DCAF5: variants seen among roughly 807,000 people sequenced by gnomAD.
DCAF5 encodes DDB1- and CUL4-associated factor 5.
DCAF5 carries 9 observed loss-of-function variants against 80.7 expected under a neutral mutation model. The ratio of observed to expected loss-of-function variants is 0.11; its 90% CI spans 0.07 to 0.19. DCAF5 has a LOEUF of 0.19. DCAF5 is among the 10% of genes least tolerant of loss of function. DCAF5 has a pLI of 1.00. For synonymous variants in DCAF5, 433 were observed against 461.9 expected (o/e 0.94, Z 0.80); for missense variants, 842 against 1,205.7 (o/e 0.70, Z 4.47).
chr14:69,116,958 C>T (rs1278197529), intron 4 of DCAF5, among the ~76,000 whole-genome samples: 2 of 152,130 alleles, frequency 1.3e-5, no homozygotes, highest in Admixed American at 6.5e-5. Context: ...AAAATTAAGA[C>T]GTGGTGAAAC....
At chr14:69,056,823 C>T (rs961539123) in intron 8 of DCAF5, among the ~76,000 whole-genome samples, 1 of 151,916 alleles carries the variant, frequency 6.6e-6, no homozygotes, top group East Asian at 1.9e-4. Flanking sequence ...CTGCAGAGGA[C>T]CCCCCATTTC....
In DCAF5 at chr14:69,051,626, G is replaced by T. The variant is rs767266756; in HGVS notation, c.*2231C>A. 13 of 152,164 alleles carry T rather than the reference G, an allele frequency of 8.5e-5. No homozygotes were observed. The highest frequency in any genetic ancestry group is 1.6e-4 in the Non-Finnish European group (11 of 68,034). The allele number at this position is 152,164 out of a possible 1,614,324, so 9.4% of individuals were successfully genotyped here. On this transcript the variant is annotated 3_prime_UTR_variant, in exon 9 of 9. Transcript: ENST00000341516. ...TTTTGAGTACCCAAATGAGATTAAG[G>T]CTTTTAACATGAAAAGACCAAGTTC...
chr14:69,107,968 T>C (rs2040222790), intron 5 of DCAF5, among the ~76,000 whole-genome samples: 2 of 152,156 alleles, frequency 1.3e-5, no homozygotes, highest in Non-Finnish European at 1.5e-5. Flanking sequence ...CAAGTAATAA[T>C]ACATATTAGG....
intron 7 of DCAF5, among the ~76,000 whole-genome samples, chr14:69,073,959 C>T (rs1361490957): frequency 6.6e-6 from 1 of 152,214 alleles, no homozygotes; most frequent in Non-Finnish European, 1.5e-5. Context: ...TTCAGGTAGA[C>T]TACTGCTGTT....
intron 1 of DCAF5, among the ~76,000 whole-genome samples, chr14:69,143,553 CTTTTTTTTTTTTT>C (rs562355110): frequency 9.8e-6 from 1 of 102,202 alleles, no homozygotes; most frequent in Non-Finnish European, 1.9e-5. Flanking sequence ...ATCTGTTAAA[CTTTTTTTTTTTTT>C]TTTTTTTTTT....
chr14:69,128,800 A>G (rs1261211204), intron 1 of DCAF5, among the ~76,000 whole-genome samples: 1 of 151,896 alleles, frequency 6.6e-6, no homozygotes, highest in Non-Finnish European at 1.5e-5. Context: ...CCAAAAACAG[A>G]ATATCTGCCA....
intron 1 of DCAF5, among the ~76,000 whole-genome samples, chr14:69,146,364 T>C (rs1388939008): frequency 6.6e-6 from 1 of 152,210 alleles, no homozygotes; most frequent in African/African-American, 2.4e-5. Flanking sequence ...TTTGCCAACC[T>C]TTGATAGGTA....
intron 7 of DCAF5, among the ~76,000 whole-genome samples, chr14:69,069,013 GTTC>G (rs1405671414): frequency 1.3e-5 from 2 of 152,210 alleles, no homozygotes; most frequent in East Asian, 1.9e-4. Context: ...GTTATGCTGA[GTTC>G]TTCTTTCATC....
At chr14:69,121,160 T>C (rs569037232) in intron 2 of DCAF5, among the ~76,000 whole-genome samples, 21 of 152,282 alleles carry the variant, frequency 1.4e-4, no homozygotes, top group African/African-American at 4.1e-4. Context: ...GCCAGACAGA[T>C]AGATTGGGAT....
rs184263091 is a variant in DCAF5, at chr14:69,052,098, T to C, written c.*1759A>G. On this transcript the variant is annotated 3_prime_UTR_variant, in exon 9 of 9. Coordinates refer to ENST00000341516, the MANE Select transcript of DCAF5 (RefSeq NM_003861.3). ...GTACACACCCCCATGCTACACACACTCCTTCATCTCCTTCTCAGTGTTTTC... is the reference window on the plus strand; with the variant it reads ...GTACACACCCCCATGCTACACACACCCCTTCATCTCCTTCTCAGTGTTTTC... The C allele has an allele frequency of 1.3e-5, 2 of 152,298 alleles. No individual in the cohort carries two copies. The highest frequency in any genetic ancestry group is 4.8e-5 in the African/African-American group (2 of 41,528). The allele number at this position is 152,298 out of a possible 1,614,324, so 9.4% of individuals were successfully genotyped here.
At chr14:69,086,995 G>C (rs1256958274) in intron 6 of DCAF5, among the ~76,000 whole-genome samples, 1 of 152,166 alleles carries the variant, frequency 6.6e-6, no homozygotes, top group Non-Finnish European at 1.5e-5. Context: ...AAGATGTAGG[G>C]ACTATTAGAC....
intron 6 of DCAF5, chr14:69,091,021 A>C (rs1273186172): frequency 2.8e-6 from 2 of 713,482 alleles, no homozygotes. Flanking sequence ...TTCTATGGTT[A>C]AGACAGAAAG....
At chr14:69,152,000 T>C (rs1393952440) in intron 1 of DCAF5, among the ~76,000 whole-genome samples, 3 of 152,032 alleles carry the variant, frequency 2.0e-5, no homozygotes, top group Non-Finnish European at 4.4e-5. Flanking sequence ...GGCGCCGGGC[T>C]CCCGCCAACA....
At chr14:69,059,135 G>A (rs2038100795) in intron 8 of DCAF5, among the ~76,000 whole-genome samples, 1 of 152,142 alleles carries the variant, frequency 6.6e-6, no homozygotes, top group Admixed American at 6.5e-5. Context: ...CACCCATGCT[G>A]GAGTGCAGTG....
intron 6 of DCAF5, among the ~76,000 whole-genome samples, chr14:69,079,107 A>G (rs1235806427): frequency 1.3e-5 from 2 of 152,174 alleles, no homozygotes; most frequent in African/African-American, 4.8e-5. Flanking sequence ...CAAACTAAAC[A>G]AACAAAAAGT....
chr14:69,113,506 A>G (rs893366956), intron 5 of DCAF5, among the ~76,000 whole-genome samples: 7 of 151,956 alleles, frequency 4.6e-5, no homozygotes, highest in African/African-American at 2.4e-5. Context: ...GGGGATTCAC[A>G]AATTCCTTAA....
At chr14:69,100,080 G>A (rs746580690) in intron 5 of DCAF5, among the ~76,000 whole-genome samples, 17 of 152,110 alleles carry the variant, frequency 1.1e-4, no homozygotes, top group Non-Finnish European at 1.6e-4. Context: ...TTAAATACAT[G>A]TCCTACCCAA....
intron 5 of DCAF5, among the ~76,000 whole-genome samples, chr14:69,101,779 T>C (rs1274555578): frequency 1.3e-5 from 2 of 152,220 alleles, no homozygotes; most frequent in East Asian, 1.9e-4. Flanking sequence ...TGTTACTATA[T>C]GTTATTATAT....
intron 1 of DCAF5, among the ~76,000 whole-genome samples, chr14:69,132,816 C>G (rs1276583226): frequency 6.6e-6 from 1 of 152,210 alleles, no homozygotes. Context: ...TTAGGATACA[C>G]AAACACAGGT....
Sources: gnomAD v4.1 joint callset for allele counts (sites outside exome capture counted in the v4.1 genomes callset) on GRCh38, gnomAD v4.1.1 for gene constraint, MANE v1.5 for transcripts, NCBI Gene and HGNC (gene_info 2026-07-23, HGNC 2026-07-21) for gene names.